The following PPM1E variants were observed in gnomAD, a reference collection of about 807,000 sequenced individuals.
PPM1E encodes the protein protein phosphatase 1E.
A neutral mutation model predicts 65.9 loss-of-function variants in PPM1E; 20 were observed. The observed-to-expected ratio is 0.30, with a 90% CI of 0.21 to 0.44. PPM1E has a LOEUF of 0.44. Ranked by LOEUF, PPM1E falls within the 20% of genes least tolerant of loss-of-function variation. PPM1E has a pLI of 1.00. For missense variants in PPM1E, 713 were observed against 953.1 expected (o/e 0.75, Z 3.32); for synonymous variants, 352 against 374.9 (o/e 0.94, Z 0.70).
chr17:58,887,285 C>T (rs1444525935), intron 1 of PPM1E, among the ~76,000 whole-genome samples: 3 of 151,710 alleles, frequency 2.0e-5, no homozygotes, highest in African/African-American at 7.3e-5. Context: ...CTGCCTCAGC[C>T]TCCTGAGTAG....
chr17:58,886,736 C>A (rs2051269766), intron 1 of PPM1E, among the ~76,000 whole-genome samples: 1 of 152,200 alleles, frequency 6.6e-6, no homozygotes, highest in African/African-American at 2.4e-5. Flanking sequence ...ATGATGCATG[C>A]TTTAACATCT....
intron 1 of PPM1E, among the ~76,000 whole-genome samples, chr17:58,764,648 C>T (rs141722770): frequency 5.9e-5 from 9 of 152,186 alleles, no homozygotes; most frequent in South Asian, 4.1e-4. Context: ...AACAGAGTCT[C>T]GCTCTGTCAC....
intron 2 of PPM1E, among the ~76,000 whole-genome samples, chr17:58,959,817 C>T (rs2029976290): frequency 6.6e-6 from 1 of 151,810 alleles, no homozygotes; most frequent in East Asian, 1.9e-4. Context: ...ACTTCAAGAA[C>T]AAAATATTGG....
chr17:58,791,073 G>GT (rs1245371702), intron 1 of PPM1E, among the ~76,000 whole-genome samples: 1 of 151,834 alleles, frequency 6.6e-6, no homozygotes, highest in African/African-American at 2.4e-5. Context: ...TGTATTTTTA[G>GT]TAGAGATGGG....
chr17:58,816,650 T>C lies in PPM1E; in HGVS notation c.464+60189T>C, dbSNP rs568249858. 8.0e-5 allele frequency among the ~76,000 whole-genome samples: 12 copies of C among 149,550 alleles called. No homozygotes were observed. The South Asian group carries it at 2.1e-3, about 26-fold the overall frequency. ...GTCTAGGTACTGCATGTAAGTGTAA[T>C]CATATAATATTTGTCCTTGTGTGCC... On this transcript the variant is annotated intron_variant, in intron 1 of 6. Coordinates refer to ENST00000308249, the MANE Select transcript of PPM1E (RefSeq NM_014906.5).
At chr17:58,926,633 T>G (rs2051827093) in intron 1 of PPM1E, among the ~76,000 whole-genome samples, 1 of 152,202 alleles carries the variant, frequency 6.6e-6, no homozygotes, top group African/African-American at 2.4e-5. Flanking sequence ...CATTTCCTAA[T>G]AAACTTTGCC....
chr17:58,919,735 C>A (rs571748517), intron 1 of PPM1E, among the ~76,000 whole-genome samples: 1 of 151,048 alleles, frequency 6.6e-6, no homozygotes, highest in South Asian at 2.1e-4. Flanking sequence ...TGCAGTGAGC[C>A]GAGATCACAC....
At chr17:58,763,146 T>G (rs1266838875) in intron 1 of PPM1E, among the ~76,000 whole-genome samples, 1 of 152,124 alleles carries the variant, frequency 6.6e-6, no homozygotes, top group Non-Finnish European at 1.5e-5. Context: ...CTCAAAGGCT[T>G]AACATAATGT....
intron 1 of PPM1E, among the ~76,000 whole-genome samples, chr17:58,880,623 T>TGTTA (rs1230998646): frequency 3.3e-5 from 5 of 151,970 alleles, no homozygotes; most frequent in African/African-American, 1.2e-4. Context: ...TTTGTTTGTT[T>TGTTA]GTTTGTTTGT....
chr17:58,894,072 C>CA (rs573411928), intron 1 of PPM1E, among the ~76,000 whole-genome samples: 5 of 151,158 alleles, frequency 3.3e-5, no homozygotes, highest in Non-Finnish European at 7.4e-5. Flanking sequence ...GACCCTGTCT[C>CA]AAAAAAAACA....
At chr17:58,794,946 T>C (rs912721161) in intron 1 of PPM1E, among the ~76,000 whole-genome samples, 5 of 150,362 alleles carry the variant, frequency 3.3e-5, no homozygotes, top group African/African-American at 9.8e-5. Flanking sequence ...TAGAGTGCAG[T>C]GGCATGATCT....
intron 1 of PPM1E, among the ~76,000 whole-genome samples, chr17:58,943,734 T>A (rs529258075): frequency 6.6e-6 from 1 of 152,282 alleles, no homozygotes; most frequent in East Asian, 1.9e-4. Context: ...GGCCCAGCAA[T>A]CTGTGTGCTA....
At chr17:58,802,846 A>G (rs1259241854) in intron 1 of PPM1E, among the ~76,000 whole-genome samples, 1 of 152,130 alleles carries the variant, frequency 6.6e-6, no homozygotes, top group Non-Finnish European at 1.5e-5. Flanking sequence ...CACTGTTAGT[A>G]TATAGTAATG....
chr17:58,976,290 G>A (rs1861423019), intron 6 of PPM1E, among the ~76,000 whole-genome samples: 1 of 152,156 alleles, frequency 6.6e-6, no homozygotes, highest in Non-Finnish European at 1.5e-5. Context: ...AGATTAAACA[G>A]TGCATGTGTG....
chr17:58,956,470 A>C (rs573516348), intron 2 of PPM1E, among the ~76,000 whole-genome samples: 9 of 151,970 alleles, frequency 5.9e-5, no homozygotes, highest in African/African-American at 1.7e-4. Flanking sequence ...AAAAAAAAAA[A>C]CCTTAACTTT....
At chr17:58,875,206 G>C (rs1488800188) in intron 1 of PPM1E, among the ~76,000 whole-genome samples, 1 of 152,144 alleles carries the variant, frequency 6.6e-6, no homozygotes, top group Non-Finnish European at 1.5e-5. Flanking sequence ...CATATATTCT[G>C]TGTTAAATAG....
At chr17:58,898,556 TGGTG>T (rs1347207693) in intron 1 of PPM1E, among the ~76,000 whole-genome samples, 1 of 152,166 alleles carries the variant, frequency 6.6e-6, no homozygotes, top group Non-Finnish European at 1.5e-5. Flanking sequence ...TTTACACTGT[TGGTG>T]GGAGTGTAAA....
chr17:58,887,972 C>T, intron 1 of PPM1E, among the ~76,000 whole-genome samples: 1 of 152,062 alleles, frequency 6.6e-6, no homozygotes, highest in East Asian at 1.9e-4. Flanking sequence ...AGCAATAGGA[C>T]TTGTTTATGT....
At chr17:58,767,712 A>T (rs992686629) in intron 1 of PPM1E, among the ~76,000 whole-genome samples, 2 of 151,880 alleles carry the variant, frequency 1.3e-5, no homozygotes, top group Non-Finnish European at 2.9e-5. Flanking sequence ...GCACGATCTC[A>T]GCTCACCGCA....
Sources: allele counts gnomAD v4.1 joint callset (sites outside exome capture counted in the v4.1 genomes callset), GRCh38; gene constraint gnomAD v4.1.1; transcripts MANE v1.5; gene names NCBI Gene and HGNC (gene_info 2026-07-23, HGNC 2026-07-21).